RTN4RL1: variants seen among roughly 807,000 people sequenced by gnomAD.
RTN4RL1 encodes the protein reticulon 4 receptor like 1.
RTN4RL1 carries 7 observed loss-of-function variants against 25.6 expected under a neutral mutation model. The ratio of observed to expected loss-of-function variants is 0.27; its 90% CI spans 0.16 to 0.51. The LOEUF (loss-of-function observed/expected upper bound fraction) is 0.51, where lower values mean the gene tolerates loss of function less well. Among genes scored for constraint, RTN4RL1 ranks in the 20% least tolerant of loss-of-function variants. RTN4RL1 has a pLI of 0.97. For synonymous variants in RTN4RL1, 297 were observed against 288.2 expected (o/e 1.03, Z -0.31); for missense variants, 500 against 615.6 (o/e 0.81, Z 1.99).
chr17:2,011,999 A>G (rs545656769), intron 1 of RTN4RL1, among the ~76,000 whole-genome samples: 1 of 152,262 alleles, frequency 6.6e-6, no homozygotes, highest in South Asian at 2.1e-4. Flanking sequence ...GAAGCAGTTC[A>G]AAGTAACGAG....
rs1338600385 is a variant in RTN4RL1, at chr17:1,935,643, T to C, written c.*853A>G. 2 of 982,130 alleles carry C rather than the reference T, an allele frequency of 2.0e-6. 1 individual carries two copies. 60.8% of individuals were successfully genotyped at this position (982,130 alleles called of 1,614,324 possible). Reference sequence around the variant, plus strand: ...CCTTAGTTCAGCAAATACAGTTTTCTGTATAGTTTATAAACATGAAAAGAC... The same window carrying C: ...CCTTAGTTCAGCAAATACAGTTTTCCGTATAGTTTATAAACATGAAAAGAC... On this transcript the variant is annotated 3_prime_UTR_variant, in exon 2 of 2. Coordinates refer to ENST00000331238, the MANE Select transcript of RTN4RL1 (RefSeq NM_178568.4).
At chr17:1,981,253 C>A (rs2151316464) in intron 1 of RTN4RL1, among the ~76,000 whole-genome samples, 1 of 151,998 alleles carries the variant, frequency 6.6e-6, no homozygotes, top group East Asian at 1.9e-4. Flanking sequence ...TAGTAGTGCA[C>A]ACCTGTAGTC....
intron 1 of RTN4RL1, among the ~76,000 whole-genome samples, chr17:1,982,230 G>A (rs1047400683): frequency 6.6e-6 from 1 of 152,182 alleles, no homozygotes; most frequent in South Asian, 2.1e-4. Context: ...AAACCCAGGA[G>A]GCGGAGGTTG....
At chr17:1,966,197 A>T (rs555832348) in intron 1 of RTN4RL1, among the ~76,000 whole-genome samples, 2 of 152,170 alleles carry the variant, frequency 1.3e-5, no homozygotes, top group Non-Finnish European at 2.9e-5. Flanking sequence ...GTACAGTGAC[A>T]TGTGTCCAAG....
intron 1 of RTN4RL1, among the ~76,000 whole-genome samples, chr17:1,968,541 C>T (rs899040326): frequency 6.6e-6 from 1 of 152,236 alleles, no homozygotes; most frequent in Admixed American, 6.5e-5. Context: ...GGATTTCTGA[C>T]TCTGCCCTGG....
chr17:1,956,739 T>C (rs919328587), intron 1 of RTN4RL1, among the ~76,000 whole-genome samples: 4 of 24,180 alleles, frequency 1.7e-4, no homozygotes, highest in African/African-American at 4.6e-4. Flanking sequence ...TGTCGGGAAC[T>C]TTTTTTTTTT....
chr17:2,005,739 T>TTCTCTCTCTCTCTC (rs61209329), intron 1 of RTN4RL1, among the ~76,000 whole-genome samples: 54 of 145,216 alleles, frequency 3.7e-4, no homozygotes, highest in African/African-American at 1.4e-3. Flanking sequence ...CTCTCTCTCT[T>TTCTCTCTCTCTCTC]TCTCTCTCTC....
intron 1 of RTN4RL1, among the ~76,000 whole-genome samples, chr17:1,972,610 G>A (rs114375501): frequency 0.013 from 1,984 of 152,114 alleles, 51 homozygotes; most frequent in African/African-American, 0.046. Flanking sequence ...AGATTTCCTC[G>A]ACCCTAGCCT....
intron 1 of RTN4RL1, among the ~76,000 whole-genome samples, chr17:1,968,950 G>A (rs940315755): frequency 6.6e-6 from 1 of 152,010 alleles, no homozygotes; most frequent in Non-Finnish European, 1.5e-5. Flanking sequence ...CTGACCCATG[G>A]TCTGCAGCAA....
At chr17:1,938,637 G>A (rs959780660) in intron 1 of RTN4RL1, among the ~76,000 whole-genome samples, 9 of 151,956 alleles carry the variant, frequency 5.9e-5, no homozygotes, top group Non-Finnish European at 1.2e-4. Flanking sequence ...TACAAGCACA[G>A]CATGCATGCG....
chr17:1,937,435 G>C lies in RTN4RL1; in HGVS notation c.387C>G (p.Ala129=). 1 of 1,613,848 alleles carries C rather than the reference G, an allele frequency of 6.2e-7. No homozygotes were observed. The highest frequency in any genetic ancestry group is 8.5e-7 in the Non-Finnish European group (1 of 1,179,872). The part of the protein sequence containing the change: ...ETFQGLVKLH[A]LYLYKCGLSA... ...TGAGCCCACACTTGTAGAGGTAGAG[G>C]GCGTGAAGCTTCACCAGGCCCTGGA... Residue 129 remains alanine, a synonymous_variant, in exon 2 of 2, where the codon GCC becomes GCG. Transcript: ENST00000331238.
chr17:1,938,901 A>G (rs1915372493), intron 1 of RTN4RL1, among the ~76,000 whole-genome samples: 1 of 151,788 alleles, frequency 6.6e-6, no homozygotes, highest in Non-Finnish European at 1.5e-5. Context: ...AAACACAAAA[A>G]TTAGCCGGGT....
At chr17:1,969,177 G>C (rs990541128) in intron 1 of RTN4RL1, among the ~76,000 whole-genome samples, 1 of 148,814 alleles carries the variant, frequency 6.7e-6, no homozygotes, top group Admixed American at 7.0e-5. Context: ...TCCTGCCTCA[G>C]CCTCCTGAGT....
At chr17:1,952,990 C>G (rs184471803) in intron 1 of RTN4RL1, among the ~76,000 whole-genome samples, 21 of 150,574 alleles carry the variant, frequency 1.4e-4, no homozygotes, top group Non-Finnish European at 2.5e-4. Flanking sequence ...GGTGGGAGAA[C>G]TGCTTGAACC....
chr17:2,020,013 T>G (rs1180889146), intron 1 of RTN4RL1: 1 of 152,140 alleles, frequency 6.6e-6, no homozygotes, highest in Non-Finnish European at 1.5e-5. Context: ...GTCAGGGCGC[T>G]CCCCTAAAAT....
intron 1 of RTN4RL1, among the ~76,000 whole-genome samples, chr17:1,986,753 A>G (rs2066889141): frequency 6.6e-6 from 1 of 151,706 alleles, no homozygotes; most frequent in East Asian, 1.9e-4. Flanking sequence ...GCCATTAAAA[A>G]AAAAAAATTC....
At chr17:1,939,169 G>T (rs929551758) in intron 1 of RTN4RL1, among the ~76,000 whole-genome samples, 8 of 151,874 alleles carry the variant, frequency 5.3e-5, no homozygotes, top group Middle Eastern at 6.8e-3. Context: ...TGGCTAACAC[G>T]GCGAAACCCC....
In RTN4RL1 at chr17:1,936,429, AAAG is replaced by A. The variant is rs1367022149; in HGVS notation, c.*64_*66del. 5.5e-6 allele frequency: 8 copies of A among 1,467,574 alleles called. No individual in the cohort carries two copies. The highest frequency in any genetic ancestry group is 2.8e-5 in the African/African-American group (2 of 70,248). The allele number at this position is 1,467,574 out of a possible 1,614,324, so 90.9% of individuals were successfully genotyped here. ...CCAGCAGATCTTCCACTTGTTAAAAAAAGAAGAAAATAAATTCTGTTCCTTGGT... is the reference window on the plus strand; with the variant it reads ...CCAGCAGATCTTCCACTTGTTAAAAAAAGAAAATAAATTCTGTTCCTTGGT... On this transcript the variant is annotated 3_prime_UTR_variant, in exon 2 of 2. Coordinates refer to ENST00000331238, the MANE Select transcript of RTN4RL1 (RefSeq NM_178568.4).
chr17:1,941,612 G>T (rs931474167), intron 1 of RTN4RL1, among the ~76,000 whole-genome samples: 4 of 152,140 alleles, frequency 2.6e-5, no homozygotes, highest in African/African-American at 4.8e-5. Flanking sequence ...GCGGTGGGGG[G>T]GGATCCGAGC....
Sources: allele counts gnomAD v4.1 joint callset (sites outside exome capture counted in the v4.1 genomes callset), GRCh38; gene constraint gnomAD v4.1.1; transcripts MANE v1.5; gene names NCBI Gene and HGNC (gene_info 2026-07-23, HGNC 2026-07-21).